The following MAD1L1 variants were observed in gnomAD, a reference collection of about 807,000 sequenced individuals.
MAD1L1 encodes mitotic arrest deficient 1 like 1, also known as mitotic spindle assembly checkpoint protein MAD1.
In MAD1L1, 95 loss-of-function variants were observed where a neutral mutation model predicts 96.9. The ratio of observed to expected loss-of-function variants is 0.98; its 90% CI spans 0.83 to 1.16. The LOEUF (loss-of-function observed/expected upper bound fraction) is 1.16, where lower values mean the gene tolerates loss of function less well. MAD1L1 is among the 50% of genes most tolerant of loss of function. The pLI, the probability that MAD1L1 is intolerant of heterozygous loss-of-function variation, is 0.00. For synonymous variants in MAD1L1, 473 were observed against 396.6 expected, an observed-to-expected ratio of 1.19 and a Z score of -2.29; for missense variants, 1,007 against 954.4, an observed-to-expected ratio of 1.06 and a Z score of -0.73.
At chr7:2,196,589 T>G (rs1459876905) in intron 10 of MAD1L1, among the ~76,000 whole-genome samples, 1 of 152,236 alleles carries the variant, frequency 6.6e-6, no homozygotes, top group East Asian at 1.9e-4. Context: ...GCCCAAAGCC[T>G]GGCAAACGGC....
chr7:1,896,868 A>C (rs1422395417), intron 18 of MAD1L1, among the ~76,000 whole-genome samples: 1 of 152,260 alleles, frequency 6.6e-6, no homozygotes, highest in Non-Finnish European at 1.5e-5. Context: ...ACCTTTATTA[A>C]TACCTAATCA....
At chr7:2,126,798 G>A (rs536150978) in intron 11 of MAD1L1, among the ~76,000 whole-genome samples, 6 of 152,292 alleles carry the variant, frequency 3.9e-5, no homozygotes, top group East Asian at 1.9e-4. Context: ...ACGAGCCTCC[G>A]CCAGGCAGGT....
chr7:2,008,104 G>T (rs1782117727), intron 13 of MAD1L1, among the ~76,000 whole-genome samples: 1 of 152,202 alleles, frequency 6.6e-6, no homozygotes, highest in Non-Finnish European at 1.5e-5. Flanking sequence ...AGATAAAGCT[G>T]GGGGATTTTA....
At chr7:2,222,435 G>T in intron 5 of MAD1L1, 140 bp downstream of exon 5, 2 of 649,806 alleles carry the variant, frequency 3.1e-6, no homozygotes, top group Non-Finnish European at 4.7e-6. Context: ...TACTTCTACT[G>T]ATGACAACTA....
chr7:2,172,317 T>G (rs996800340), intron 10 of MAD1L1, among the ~76,000 whole-genome samples: 28 of 152,010 alleles, frequency 1.8e-4, no homozygotes, highest in Non-Finnish European at 5.9e-5. Flanking sequence ...TGGCCCAAGA[T>G]TACACCGCTG....
intron 18 of MAD1L1, chr7:1,872,686 T>G (rs571656920): frequency 6.6e-6 from 1 of 152,280 alleles, no homozygotes; most frequent in Non-Finnish European, 1.5e-5. Flanking sequence ...TGCGGACTCC[T>G]GGGCACTGGA....
chr7:1,889,752 G>A (rs539149432), intron 18 of MAD1L1, among the ~76,000 whole-genome samples: 8 of 152,308 alleles, frequency 5.3e-5, no homozygotes, highest in Admixed American at 1.3e-4. Flanking sequence ...GCTGTCAGCT[G>A]AGCCTGCCAT....
chr7:1,924,744 A>T (rs895140572), intron 17 of MAD1L1, among the ~76,000 whole-genome samples: 1 of 152,220 alleles, frequency 6.6e-6, no homozygotes, highest in Non-Finnish European at 1.5e-5. Flanking sequence ...GACAGTTAAG[A>T]GCAAGAATTG....
Position 2,021,358 on chromosome 7 carries a change from G to A in MAD1L1, c.1219-6716C>T, listed in dbSNP as rs538900464. Among the ~76,000 whole-genome samples, 46 of 152,272 alleles carry A rather than the reference G, an allele frequency of 3.0e-4. 1 individual carries two copies. In the South Asian group the frequency reaches 7.5e-3, roughly 25 times the overall value. ...GAGAAATGCATCAGACCTCCTGACC[G>A]AAGCCACTCAGGCAGCAGAGAGGGG... On this transcript the variant is annotated intron_variant, in intron 12 of 18. Coordinates refer to ENST00000265854, the MANE Select transcript of MAD1L1 (RefSeq NM_001013836.2).
At chr7:2,019,578 G>A (rs755398635) in intron 12 of MAD1L1, among the ~76,000 whole-genome samples, 26 of 152,250 alleles carry the variant, frequency 1.7e-4, no homozygotes, top group Admixed American at 1.1e-3. Flanking sequence ...GACAGCACCC[G>A]TCAATGGAAA....
chr7:1,964,727 G>C (rs929830314), intron 15 of MAD1L1, among the ~76,000 whole-genome samples: 2 of 152,264 alleles, frequency 1.3e-5, no homozygotes, highest in Non-Finnish European at 2.9e-5. Flanking sequence ...CTCCGAGCGT[G>C]TGCGTGGAAA....
At chr7:2,060,508 A>AACGCTAATGTCGAGAT (rs1324727085) in intron 12 of MAD1L1, among the ~76,000 whole-genome samples, 1 of 116,054 alleles carries the variant, frequency 8.6e-6, no homozygotes, top group Non-Finnish European at 1.7e-5. Flanking sequence ...AGACCGAGAT[A>AACGCTAATGTCGAGAT]ACGCTAATGT....
rs972224609 is a variant in MAD1L1, at chr7:2,103,301, C to G, written c.1074-33963G>C. On this transcript the variant is annotated intron_variant, in intron 11 of 18. Transcript: ENST00000265854. The surrounding 1 kb of genome is among the most constrained non-coding windows in gnomAD (Gnocchi z 4.3). ...CATGGCTGCCCCGACGGGCCCTGCA[C>G]ACACAGTCATACCTGCGCTCCTGCA... Among the ~76,000 whole-genome samples, 13 of 152,158 alleles carry G rather than the reference C, an allele frequency of 8.5e-5. No individual in the cohort carries two copies. Among genetic ancestry groups the G allele is most frequent in the African/African-American group, 3.1e-4 (13 of 41,432 alleles).
At chr7:1,935,661 C>G (rs1348959258) in intron 17 of MAD1L1, among the ~76,000 whole-genome samples, 3 of 152,234 alleles carry the variant, frequency 2.0e-5, no homozygotes, top group Non-Finnish European at 4.4e-5. Flanking sequence ...CACACAACCT[C>G]TGCACCTGCA....
chr7:2,010,379 A>G (rs887813014), intron 13 of MAD1L1, among the ~76,000 whole-genome samples: 2 of 152,118 alleles, frequency 1.3e-5, no homozygotes, highest in Non-Finnish European at 2.9e-5. Flanking sequence ...TGCAACCTGA[A>G]ACGGGGATTC....
intron 17 of MAD1L1, among the ~76,000 whole-genome samples, chr7:1,900,360 G>A (rs1432363196): frequency 6.6e-6 from 1 of 152,240 alleles, no homozygotes; most frequent in South Asian, 2.1e-4. Context: ...CCTGTCAGCA[G>A]AGGGGCCCTG....
At chr7:1,895,518 T>G (rs1786811221) in intron 18 of MAD1L1, among the ~76,000 whole-genome samples, 1 of 152,206 alleles carries the variant, frequency 6.6e-6, no homozygotes. Context: ...TTACTTAATC[T>G]CCCTGATCCT....
At chr7:1,837,991 G>T (rs1267390194) in intron 18 of MAD1L1, among the ~76,000 whole-genome samples, 1 of 152,242 alleles carries the variant, frequency 6.6e-6, no homozygotes, top group Non-Finnish European at 1.5e-5. Flanking sequence ...ACGGCAGCGT[G>T]CTGCTTCTCC....
chr7:1,896,634 C>CGAAG (rs1786889103), intron 18 of MAD1L1, among the ~76,000 whole-genome samples: 1 of 152,196 alleles, frequency 6.6e-6, no homozygotes, highest in African/African-American at 2.4e-5. Flanking sequence ...AGGACAGCGG[C>CGAAG]CACCTTTCGC....
Sources: allele counts gnomAD v4.1 joint callset (sites outside exome capture counted in the v4.1 genomes callset), GRCh38; gene constraint gnomAD v4.1.1; non-coding constraint Gnocchi (gnomAD v3.1); transcripts MANE v1.5; gene names NCBI Gene and HGNC (gene_info 2026-07-23, HGNC 2026-07-21).